Variants in REPS2 observed in about 807,000 individuals in gnomAD.
The protein encoded by REPS2 is ralBP1-associated Eps domain-containing protein 2.
In REPS2, 23 loss-of-function variants were observed where a neutral mutation model predicts 53.6. The observed-to-expected ratio is 0.43, with a 90% CI of 0.31 to 0.61. The LOEUF (loss-of-function observed/expected upper bound fraction) is 0.61. Among genes scored for constraint, REPS2 ranks in the 20% least tolerant of loss-of-function variants. REPS2 has a pLI of 0.11. For synonymous variants in REPS2, 238 were observed against 218.6 expected (o/e 1.09, Z -0.78); for missense variants, 446 against 534.9 (o/e 0.83, Z 1.64).
intron 16 of REPS2, chrX:17,135,831 G>T: frequency 7.9e-6 from 1 of 126,334 alleles, no homozygotes; most frequent in Admixed American, 8.7e-5. Context: ...CAGTAGGTGT[G>T]GTATGTGATT....
chrX:17,167,127 C>T, the REPS2 span, among the ~76,000 whole-genome samples: 2 of 111,408 alleles, frequency 1.8e-5, no homozygotes, highest in African/African-American at 6.5e-5. Flanking sequence ...TTATAGTTCT[C>T]ATGCTAAATA....
At chrX:17,099,696 G>C (rs775761125) in intron 13 of REPS2, 16 of 461,151 alleles carry the variant, frequency 3.5e-5, no homozygotes, top group Non-Finnish European at 5.8e-5. Flanking sequence ...CTACCTCTAT[G>C]GTGTCAAGAC....
At chrX:16,962,952 A>T (rs2060684320) in intron 1 of REPS2, among the ~76,000 whole-genome samples, 1 of 110,616 alleles carries the variant, frequency 9.0e-6, no homozygotes, top group Non-Finnish European at 1.9e-5. Flanking sequence ...TTTAAAAGTT[A>T]TCTGCGTGTG....
At chrX:17,172,301 A>T in the REPS2 span, among the ~76,000 whole-genome samples, 2 of 111,010 alleles carry the variant, frequency 1.8e-5, no homozygotes, top group Admixed American at 9.6e-5. Flanking sequence ...TGAGGGAGGG[A>T]CCTGGTGGGA....
intron 14 of REPS2, among the ~76,000 whole-genome samples, chrX:17,117,948 CTTTTTTTTTT>C (rs145872769): frequency 9.7e-4 from 30 of 30,902 alleles, no homozygotes; most frequent in Admixed American, 8.4e-3. Flanking sequence ...TGTTTCCTGA[CTTTTTTTTTT>C]TTTTTTTTTT....
At chrX:16,947,176 G>A in intron 1 of REPS2, 42 bp downstream of exon 1, 1 of 992,260 alleles carries the variant, frequency 1.0e-6, no homozygotes. Context: ...CTGTGGGGCA[G>A]TGTGTGCGGG....
intron 4 of REPS2, among the ~76,000 whole-genome samples, 179 bp from the exon 5 acceptor site, chrX:17,029,347 G>A (rs2061681068): frequency 8.9e-6 from 1 of 112,414 alleles, no homozygotes; most frequent in South Asian, 3.7e-4. Flanking sequence ...AATGTCTTTA[G>A]ATTGTTTAGT....
chrX:17,018,212 C>CTTTTTTTT (rs200578522), intron 2 of REPS2, among the ~76,000 whole-genome samples: 1 of 92,295 alleles, frequency 1.1e-5, no homozygotes, highest in African/African-American at 4.1e-5. Flanking sequence ...TGGCAACTGC[C>CTTTTTTTT]TTTTTTTTTT....
In REPS2 at chrX:17,151,758, A is replaced by G. The variant is rs1251530531; in HGVS notation, c.*4277A>G. ...TTTTCCCACTGTGTTTAAAGAGAAC[A>G]CTAGTAATTCTGGTTTTTCTTTCTA... On this transcript the variant is annotated 3_prime_UTR_variant, in exon 18 of 18. Coordinates refer to ENST00000357277, the MANE Select transcript of REPS2 (RefSeq NM_004726.3). 4 of 112,481 alleles carry G rather than the reference A, an allele frequency of 3.6e-5. No individual in the cohort carries two copies. Among genetic ancestry groups the G allele is most frequent in the African/African-American group, 9.7e-5 (3 of 30,964 alleles). 9.3% of individuals were successfully genotyped at this position (112,481 alleles called of 1,213,427 possible).
chrX:16,981,808 A>G (rs775800121), intron 1 of REPS2, among the ~76,000 whole-genome samples: 1 of 112,590 alleles, frequency 8.9e-6, no homozygotes, highest in African/African-American at 3.2e-5. Context: ...ATAATTTATT[A>G]CTGTACAAGT....
chrX:16,991,614 A>C (rs1246304977), intron 1 of REPS2, among the ~76,000 whole-genome samples: 1 of 111,347 alleles, frequency 9.0e-6, no homozygotes, highest in Non-Finnish European at 1.9e-5. Flanking sequence ...TTGCAGATAT[A>C]ATTAATTTCA....
At position 16,965,255 on chromosome X, in the gene REPS2, C is replaced by T. The variant is rs1266756520; in HGVS notation, c.273+18121C>T. ...TCACTTCCCGGACGGGGCGGCTGGC[C>T]GGGCGGGGGGCTGATCCCCCCACCT... On this transcript the variant is annotated intron_variant, in intron 1 of 17. Coordinates refer to ENST00000357277, the MANE Select transcript of REPS2 (RefSeq NM_004726.3). Among the ~76,000 whole-genome samples, 14 of 99,998 alleles carry T rather than the reference C, an allele frequency of 1.4e-4. No homozygotes were observed. The East Asian group carries it at 2.0e-3, about 14-fold the overall frequency. 86.8% of individuals were successfully genotyped at this position (99,998 alleles called of 115,157 possible).
chrX:17,075,397 A>C (rs1248450123), intron 12 of REPS2, among the ~76,000 whole-genome samples: 2 of 112,409 alleles, frequency 1.8e-5, no homozygotes, highest in Non-Finnish European at 3.8e-5. Context: ...TTCTGTTATT[A>C]ATGTGTCTGG....
In REPS2 at chrX:17,068,483, A is replaced by AT; in HGVS notation, c.1279+13dup. ...TGATGACAAACAAGGTAGGAGAAGAATGAGTTTTCTTCTTTAACCAGCGTT... is the reference window on the plus strand; with the variant it reads ...TGATGACAAACAAGGTAGGAGAAGAATTGAGTTTTCTTCTTTAACCAGCGTT... On this transcript the variant is annotated intron_variant, in intron 10 of 17. Transcript: ENST00000357277. 2 of 1,180,913 alleles carry AT rather than the reference A, an allele frequency of 1.7e-6. No homozygotes were observed. The highest frequency in any genetic ancestry group is 2.3e-6 in the Non-Finnish European group (2 of 870,000).
chrX:17,145,264 C>T (rs1708690900), intron 17 of REPS2, among the ~76,000 whole-genome samples: 1 of 111,533 alleles, frequency 9.0e-6, no homozygotes, highest in South Asian at 3.8e-4. Flanking sequence ...TCTATCTATA[C>T]TGTTTTGCTA....
chrX:17,135,953 G>A (rs754493387), intron 16 of REPS2: 3 of 112,557 alleles, frequency 2.7e-5, no homozygotes, highest in African/African-American at 9.7e-5. Flanking sequence ...ATTGGAGGGA[G>A]GGTGAAGACA....
intron 17 of REPS2, among the ~76,000 whole-genome samples, chrX:17,141,547 G>A (rs148774333): frequency 1.3e-4 from 14 of 111,906 alleles, no homozygotes; most frequent in Admixed American, 6.6e-4. Context: ...ATTGGGATTC[G>A]TAGGTATCAT....
At chrX:17,012,311 G>A (rs999037257) in intron 2 of REPS2, among the ~76,000 whole-genome samples, 2 of 110,232 alleles carry the variant, frequency 1.8e-5, no homozygotes, top group Non-Finnish European at 3.8e-5. Flanking sequence ...CCCGGGAGGC[G>A]GAGGTTGCAG....
intron 5 of REPS2, 92 bp from the exon 6 acceptor site, chrX:17,047,255 T>C: frequency 1.0e-6 from 1 of 994,909 alleles, no homozygotes; most frequent in East Asian, 3.1e-5. Context: ...AAATTAAGCA[T>C]AACACATGAT....
Sources: gnomAD v4.1 joint callset for allele counts (sites outside exome capture counted in the v4.1 genomes callset) on GRCh38, gnomAD v4.1.1 for gene constraint, MANE v1.5 for transcripts, NCBI Gene and HGNC (gene_info 2026-07-23, HGNC 2026-07-21) for gene names.